ACTR3: variants seen among roughly 807,000 people sequenced by gnomAD.
ACTR3 encodes the protein actin-related protein 3.
Under a neutral mutation model 56.8 loss-of-function variants are expected in ACTR3, and 12 were observed. The observed-to-expected ratio is 0.21, with a 90% CI of 0.14 to 0.34. ACTR3 has a LOEUF of 0.34. ACTR3 is among the 10% of genes least tolerant of loss of function. The pLI is 1.00. For synonymous variants in ACTR3, 162 were observed against 167.4 expected (o/e 0.97, Z 0.25); for missense variants, 282 against 512.5 (o/e 0.55, Z 4.34).
At chr2:113,905,963 G>A (rs1026552998) in intron 1 of ACTR3, among the ~76,000 whole-genome samples, 1 of 152,172 alleles carries the variant, frequency 6.6e-6, no homozygotes, top group African/African-American at 2.4e-5. Context: ...GAACATGCAT[G>A]TATAAGTACC....
chr2:113,917,310 CT>C (rs139532186), intron 3 of ACTR3, among the ~76,000 whole-genome samples: 69,937 of 151,854 alleles, frequency 0.46, 20,040 homozygotes, highest in Middle Eastern at 0.66. Context: ...CTTCTGCAAA[CT>C]TTTTTTCCCC....
At chr2:113,918,386 C>CTT (rs59646022) in intron 3 of ACTR3, among the ~76,000 whole-genome samples, 6,281 of 137,660 alleles carry the variant, frequency 0.046, 468 homozygotes, top group African/African-American at 0.16. Context: ...TCTTTTCTTT[C>CTT]TTTTTTTTTT....
At chr2:113,891,814 T>G (rs1009935605) in intron 1 of ACTR3, among the ~76,000 whole-genome samples, 2 of 152,120 alleles carry the variant, frequency 1.3e-5, no homozygotes, top group Non-Finnish European at 2.9e-5. Flanking sequence ...GCCTTGGAAC[T>G]TCTATGTATT....
chr2:113,951,992 G>A (rs1291285800), intron 10 of ACTR3, 147 bp downstream of exon 10: 13 of 1,020,736 alleles, frequency 1.3e-5, no homozygotes, highest in Non-Finnish European at 1.8e-5. Flanking sequence ...ATAGATTTAT[G>A]TCTGTGATAT....
chr2:113,905,901 A>T (rs1679183151), intron 1 of ACTR3, among the ~76,000 whole-genome samples: 1 of 152,138 alleles, frequency 6.6e-6, no homozygotes, highest in Non-Finnish European at 1.5e-5. Flanking sequence ...TCACATGTTG[A>T]TGGATGCTTG....
At chr2:113,937,372 C>T (rs1032101968) in intron 6 of ACTR3, among the ~76,000 whole-genome samples, 7 of 152,210 alleles carry the variant, frequency 4.6e-5, no homozygotes, top group African/African-American at 1.7e-4. Flanking sequence ...TCCCAAAGTC[C>T]TGGGATTACA....
chr2:113,955,670 T>C lies in ACTR3; in HGVS notation c.1125T>C (p.Tyr375=), dbSNP rs781460428. 12 of 1,613,472 alleles carry C rather than the reference T, an allele frequency of 7.4e-6. No homozygotes were observed. Among genetic ancestry groups the C allele is most frequent in the Middle Eastern group, 1.6e-4 (1 of 6,082 alleles). Residue 375 remains tyrosine (Y), a synonymous_variant, in exon 11 of 12, where the codon TAT becomes TAC. Transcript: ENST00000263238. ...TCATTACACACCACATGCAGCGATA[T>C]GCAGTTTGGTTTGGAGGATCAATGC... ...VQVITHHMQR[Y]AVWFGGSMLA...
intron 2 of ACTR3, among the ~76,000 whole-genome samples, chr2:113,915,439 T>C (rs966245147): frequency 6.6e-6 from 1 of 152,192 alleles, no homozygotes; most frequent in African/African-American, 2.4e-5. Flanking sequence ...GATAACTTCG[T>C]TTTAACTGTG....
Position 113,942,273 on chromosome 2 carries a change from G to A in ACTR3, c.772G>A (p.Gly258Arg). Residue 258 changes from glycine (G) to arginine (R), a missense_variant, in exon 8 of 12, where the codon GGA becomes AGA. By Grantham distance (125) the Gly-to-Arg change is moderately radical (BLOSUM62 -2). Coordinates refer to ENST00000263238, the MANE Select transcript of ACTR3 (RefSeq NM_005721.5). ...GTCAAAATGGATTAAACAGTATACT[G>A]GAATCAATGCTATCTCAAAGAAAGA... The part of the protein sequence containing the change: ...DGSKWIKQYT[G>R]INAISKKEFS... 2 of 1,605,526 alleles carry A rather than the reference G, an allele frequency of 1.2e-6. No homozygotes were observed. The highest frequency in any genetic ancestry group is 1.7e-5 in the Admixed American group (1 of 58,150).
chr2:113,947,287 A>C (rs1428584898), intron 8 of ACTR3, among the ~76,000 whole-genome samples: 1 of 152,214 alleles, frequency 6.6e-6, no homozygotes, highest in African/African-American at 2.4e-5. Context: ...ATAGCATGGG[A>C]TATAGGAGAT....
At chr2:113,903,830 T>C (rs1679145241) in intron 1 of ACTR3, among the ~76,000 whole-genome samples, 1 of 149,904 alleles carries the variant, frequency 6.7e-6, no homozygotes, top group South Asian at 2.1e-4. Context: ...TTTACTACAC[T>C]CTCTTCTCCT....
chr2:113,928,884 C>T (rs533539518), intron 4 of ACTR3, among the ~76,000 whole-genome samples: 6 of 152,276 alleles, frequency 3.9e-5, no homozygotes, highest in South Asian at 2.1e-4. Flanking sequence ...TCTCTGCCCC[C>T]GTGCCCTAGT....
In ACTR3 at chr2:113,927,408, A is replaced by G. The variant is rs749541600; in HGVS notation, c.289A>G (p.Ile97Val). Residue 97 changes from isoleucine to valine, a missense_variant, in exon 4 of 12, where the codon ATC (isoleucine) becomes GTC (valine). By Grantham distance (29) the Ile-to-Val change is conservative. Coordinates refer to ENST00000263238, the MANE Select transcript of ACTR3 (RefSeq NM_005721.5). ...AATGGAAAGGTTTATGGAGCAAGTG[A>G]TCTTTAAATATTTAAGGGCAGAACC... ...DLMERFMEQV[I>V]FKYLRAEPED... is the part of the protein sequence containing the mutation. 3.8e-6 allele frequency: 6 copies of G among 1,594,714 alleles called. No individual in the cohort carries two copies. In the African/African-American group the frequency reaches 5.4e-5, roughly 14 times the overall value.
In ACTR3 at chr2:113,899,729, CT is replaced by C. The variant is rs1421436829; in HGVS notation, c.44+9412del. On this transcript the variant is annotated intron_variant, in intron 1 of 11. Transcript: ENST00000263238. ...AGCTCCATAGTGGCAGGGATTATTT[CT>C]TTTTTGTGCATTCTCTATTCAAGTG... 1.7e-4 allele frequency among the ~76,000 whole-genome samples: 26 copies of C among 152,218 alleles called. No homozygotes were observed. In the South Asian group the frequency reaches 4.6e-3, roughly 27 times the overall value.
chr2:113,924,209 A>G (rs561662303), intron 3 of ACTR3, among the ~76,000 whole-genome samples: 31 of 151,652 alleles, frequency 2.0e-4, no homozygotes, highest in Non-Finnish European at 4.1e-4. Context: ...AGCGGGGACT[A>G]CAGGTGTGTG....
chr2:113,933,977 T>G (rs1307452540), intron 5 of ACTR3: 3 of 314,982 alleles, frequency 9.5e-6, no homozygotes, highest in African/African-American at 6.9e-5. Flanking sequence ...TCTGTACTGT[T>G]TAATGCAATC....
intron 11 of ACTR3, 70 bp downstream of exon 11, chr2:113,955,776 T>C (rs1680200275): frequency 1.6e-6 from 2 of 1,277,360 alleles, no homozygotes; most frequent in South Asian, 1.3e-5. Flanking sequence ...AGGTGGACTT[T>C]CGCTCTTGTC....
intron 6 of ACTR3, 104 bp downstream of exon 6, chr2:113,934,490 T>C (rs1679788393): frequency 2.7e-6 from 2 of 740,080 alleles, no homozygotes; most frequent in Non-Finnish European, 4.2e-6. Flanking sequence ...AATGCTGCAC[T>C]ATAATTTGGC....
intron 6 of ACTR3, among the ~76,000 whole-genome samples, chr2:113,938,991 C>A (rs567156135): frequency 3.9e-5 from 6 of 151,988 alleles, no homozygotes; most frequent in African/African-American, 1.4e-4. Flanking sequence ...CTGCCCTACT[C>A]TGCCGATTGT....
Sources: gnomAD v4.1 joint callset for allele counts (sites outside exome capture counted in the v4.1 genomes callset) on GRCh38, gnomAD v4.1.1 for gene constraint, MANE v1.5 for transcripts, NCBI Gene and HGNC (gene_info 2026-07-23, HGNC 2026-07-21) for gene names.